The following PCDHGA8 variants were observed in gnomAD, a reference collection of about 807,000 sequenced individuals.
PCDHGA8 encodes protocadherin gamma-A8.
In PCDHGA8, 45 loss-of-function variants were observed where a neutral mutation model predicts 59.2. That is an observed-to-expected ratio of 0.76 (90% CI 0.60 to 0.98). PCDHGA8 has a LOEUF of 0.98. Ranked by LOEUF, PCDHGA8 falls within the 50% of genes least tolerant of loss-of-function variation. The pLI, the probability that PCDHGA8 is intolerant of heterozygous loss-of-function variation, is 0.00. For synonymous variants in PCDHGA8, 531 were observed against 519.0 expected, an observed-to-expected ratio of 1.02 and a Z score of -0.32; for missense variants, 1,257 against 1,196.2, an observed-to-expected ratio of 1.05 and a Z score of -0.75.
At chr5:141,494,445 A>G (rs1424475551) in intron 1 of PCDHGA8, among the ~76,000 whole-genome samples, 1 of 152,158 alleles carries the variant, frequency 6.6e-6, no homozygotes, top group East Asian at 1.9e-4. Flanking sequence ...TTGCCACTTT[A>G]GGGGGCTTTG....
chr5:141,396,911 T>C (rs756096789), intron 1 of PCDHGA8, among the ~76,000 whole-genome samples: 3 of 152,238 alleles, frequency 2.0e-5, no homozygotes, highest in Non-Finnish European at 4.4e-5. Context: ...CACTTTGCAA[T>C]TTTAAAAACT....
chr5:141,409,018 G>T lies in PCDHGA8; in HGVS notation c.2424+13781G>T, dbSNP rs369210340. The T allele has an allele frequency of 4.0e-5, 64 of 1,613,814 alleles. No individual in the cohort carries two copies. The Admixed American group carries it at 1.1e-3, about 27-fold the overall frequency. ...TGACAGCCACTGACCAGGATGAGGG[G>T]GTCAATGCTGAGATAAACTACTACT... On this transcript the variant is annotated intron_variant, in intron 1 of 3. Transcript: ENST00000398604.
At chr5:141,399,933 C>T in intron 1 of PCDHGA8, 5 of 1,612,358 alleles carry the variant, frequency 3.1e-6, no homozygotes, top group Non-Finnish European at 1.7e-6. Context: ...GGCTGTCCTA[C>T]CACGTGCTGC....
At chr5:141,455,375 G>A (rs1247820974) in intron 1 of PCDHGA8, among the ~76,000 whole-genome samples, 1 of 152,132 alleles carries the variant, frequency 6.6e-6, no homozygotes, top group Non-Finnish European at 1.5e-5. Context: ...GAAGGGAGAA[G>A]ACAGAAGGAA....
chr5:141,508,647 C>T (rs1301017914), intron 3 of PCDHGA8, among the ~76,000 whole-genome samples: 4 of 152,090 alleles, frequency 2.6e-5, no homozygotes, highest in African/African-American at 9.7e-5. Flanking sequence ...CTCCGTCAGG[C>T]CCTTCCTGTC....
At chr5:141,422,899 G>C (rs759972749) in intron 1 of PCDHGA8, 13 of 1,614,116 alleles carry the variant, frequency 8.1e-6, no homozygotes, top group Middle Eastern at 3.3e-4. Context: ...GGACCAGAAC[G>C]ACAATGCGCC....
intron 1 of PCDHGA8, chr5:141,415,489 C>G: frequency 6.2e-7 from 1 of 1,614,220 alleles, no homozygotes; most frequent in Non-Finnish European, 8.5e-7. Flanking sequence ...AAAGAGTCAC[C>G]TGATCTTCCC....
chr5:141,491,742 C>T lies in PCDHGA8; in HGVS notation c.2425-3065C>T. On this transcript the variant is annotated intron_variant, in intron 1 of 3. Transcript: ENST00000398604. This position sits in a 1 kb window ranked among gnomAD's most constrained non-coding sequence, Gnocchi z 6.9. ...CGCCCCGGGCGACCCCTGGGGGCGG[C>T]ACTGGAGAAGCCGCCCGTCCTCATA... 6.3e-7 allele frequency: 1 copy of T among 1,596,114 alleles called. No individual in the cohort carries two copies. Among genetic ancestry groups the T allele is most frequent in the African/African-American group, 1.3e-5 (1 of 74,260 alleles).
At chr5:141,417,798 C>T in intron 1 of PCDHGA8, 2 of 1,486,472 alleles carry the variant, frequency 1.3e-6, no homozygotes, top group Non-Finnish European at 1.8e-6. Context: ...GCTCTTTTAG[C>T]GCGGTAGAGT....
At chr5:141,453,807 A>G (rs752553367) in intron 1 of PCDHGA8, among the ~76,000 whole-genome samples, 3 of 152,250 alleles carry the variant, frequency 2.0e-5, no homozygotes, top group Non-Finnish European at 4.4e-5. Flanking sequence ...GAGTAGTTCC[A>G]TAAAGGACAA....
chr5:141,431,256 C>T lies in PCDHGA8; in HGVS notation c.2424+36019C>T. The stretch of plus-strand genomic sequence containing the variant: ...TGGGATCCGGATATCGGGAAGAACT[C>T]TCTGCAGAGCTACGAGCTCAGCCCG... On this transcript the variant is annotated intron_variant, in intron 1 of 3. Transcript: ENST00000398604. This position sits in a 1 kb window ranked among gnomAD's most constrained non-coding sequence, Gnocchi z 4.8. The T allele has an allele frequency of 6.2e-7, 1 of 1,614,194 alleles. No homozygotes were observed. Among genetic ancestry groups the T allele is most frequent in the South Asian group, 1.1e-5 (1 of 91,088 alleles).
chr5:141,412,906 TG>T (rs2095588206), intron 1 of PCDHGA8: 2 of 384,208 alleles, frequency 5.2e-6, no homozygotes, highest in Admixed American at 8.2e-5. Context: ...TTCCATTGCA[TG>T]TATCACTTGG....
intron 1 of PCDHGA8, among the ~76,000 whole-genome samples, chr5:141,452,745 GGAA>G (rs2098748194): frequency 6.6e-6 from 1 of 152,054 alleles, no homozygotes; most frequent in Non-Finnish European, 1.5e-5. Flanking sequence ...AGAGAGAGAA[GGAA>G]GAAGGAAGGG....
intron 1 of PCDHGA8, chr5:141,416,406 T>C (rs2096021956): frequency 6.6e-6 from 1 of 152,224 alleles, no homozygotes; most frequent in Non-Finnish European, 1.5e-5. Flanking sequence ...TTGTCTTTTT[T>C]GTTAAATTTT....
At chr5:141,413,661 T>G (rs2095664313) in intron 1 of PCDHGA8, 1 of 1,613,886 alleles carries the variant, frequency 6.2e-7, no homozygotes. Flanking sequence ...CGGAAGCTAT[T>G]GATCCGGATG....
At chr5:141,470,015 G>C (rs999085849) in intron 1 of PCDHGA8, among the ~76,000 whole-genome samples, 1 of 152,130 alleles carries the variant, frequency 6.6e-6, no homozygotes, top group Non-Finnish European at 1.5e-5. Context: ...TGTAATCCCA[G>C]CTACTCGGGA....
chr5:141,421,574 A>C, intron 1 of PCDHGA8: 1 of 1,613,924 alleles, frequency 6.2e-7, no homozygotes. Flanking sequence ...GACACCTTGA[A>C]GATTTACGGA....
At position 141,477,137 on chromosome 5, in the gene PCDHGA8, G is replaced by A; in HGVS notation, c.2425-17670G>A. 1 of 1,614,200 alleles carries A rather than the reference G, an allele frequency of 6.2e-7. No individual in the cohort carries two copies. The highest frequency in any genetic ancestry group is 8.5e-7 in the Non-Finnish European group (1 of 1,180,050). On this transcript the variant is annotated intron_variant, in intron 1 of 3. Coordinates refer to ENST00000398604, the MANE Select transcript of PCDHGA8 (RefSeq NM_032088.2). The surrounding 1 kb of genome is among the most constrained non-coding windows in gnomAD (Gnocchi z 4.9). ...AGGAGCACATTGCAAAGTGTTGGTG[G>A]AGGTTGTGGATGTGAATGACAACGC...
intron 1 of PCDHGA8, among the ~76,000 whole-genome samples, chr5:141,426,115 G>A (rs574477590): frequency 4.6e-5 from 7 of 152,364 alleles, no homozygotes; most frequent in South Asian, 2.1e-4. Flanking sequence ...GAAGCAAGTC[G>A]GAGAGTGGCC....
Sources: allele counts gnomAD v4.1 joint callset (sites outside exome capture counted in the v4.1 genomes callset), GRCh38; gene constraint gnomAD v4.1.1; non-coding constraint Gnocchi (gnomAD v3.1); transcripts MANE v1.5; gene names NCBI Gene and HGNC (gene_info 2026-07-23, HGNC 2026-07-21).